The following TNIK variants were observed in gnomAD, a reference collection of about 807,000 sequenced individuals.
TNIK encodes the protein TRAF2 and NCK interacting kinase.
Under a neutral mutation model 191.3 loss-of-function variants are expected in TNIK, and 49 were observed. The ratio of observed to expected loss-of-function variants is 0.26; its 90% CI spans 0.20 to 0.32. The LOEUF (loss-of-function observed/expected upper bound fraction) is 0.32, where lower values mean the gene tolerates loss of function less well. Ranked by LOEUF, TNIK falls within the 10% of genes least tolerant of loss-of-function variation. The pLI, the probability that TNIK is intolerant of heterozygous loss-of-function variation, is 1.00. For synonymous variants in TNIK, 594 were observed against 600.9 expected (o/e 0.99, Z 0.17); for missense variants, 1,155 against 1,702.3 (o/e 0.68, Z 5.66).
chr3:171,248,217 G>T (rs918453441), intron 2 of TNIK, among the ~76,000 whole-genome samples: 9 of 152,180 alleles, frequency 5.9e-5, no homozygotes, highest in Non-Finnish European at 1.2e-4. Flanking sequence ...CATAGAAGAA[G>T]GTCACCTGTG....
chr3:171,172,269 C>T (rs1735385256), intron 9 of TNIK, among the ~76,000 whole-genome samples: 1 of 152,138 alleles, frequency 6.6e-6, no homozygotes, highest in South Asian at 2.1e-4. Flanking sequence ...ACAATGGCGC[C>T]CCCTTTGGTC....
chr3:171,128,540 C>T (rs542572133), intron 16 of TNIK, among the ~76,000 whole-genome samples, 174 bp downstream of exon 16: 4 of 152,178 alleles, frequency 2.6e-5, no homozygotes, highest in Admixed American at 1.3e-4. Context: ...TTCTTTCTCA[C>T]CTGTTCTTCT....
In TNIK at chr3:171,431,429, A is replaced by G. The variant is rs139529408; in HGVS notation, c.57+28578T>C. Among the ~76,000 whole-genome samples the G allele has an allele frequency of 4.0e-3, 606 of 152,230 alleles. 4 individuals are homozygous for G. The highest frequency in any genetic ancestry group is 0.014 in the African/African-American group (567 of 41,562). ...TCTAATAAACAGAAATACTGGAGAG[A>G]AATATGCCAAAATATTATCAGGGAT... On this transcript the variant is annotated intron_variant, in intron 1 of 32. Coordinates refer to ENST00000436636, the MANE Select transcript of TNIK (RefSeq NM_015028.4).
intron 2 of TNIK, among the ~76,000 whole-genome samples, chr3:171,358,049 G>C (rs1345494799): frequency 1.3e-5 from 2 of 152,142 alleles, no homozygotes; most frequent in African/African-American, 4.8e-5. Context: ...CCATGAGGTA[G>C]ATCCTAACTA....
At chr3:171,222,287 C>T (rs1009991031) in intron 3 of TNIK, among the ~76,000 whole-genome samples, 3 of 152,146 alleles carry the variant, frequency 2.0e-5, no homozygotes, top group African/African-American at 7.2e-5. Flanking sequence ...CATTTACTAT[C>T]CATGAGGCTT....
chr3:171,320,710 C>A (rs1265786640), intron 2 of TNIK, among the ~76,000 whole-genome samples: 1 of 152,212 alleles, frequency 6.6e-6, no homozygotes, highest in African/African-American at 2.4e-5. Context: ...TACTAATAAT[C>A]CCATGTGGGC....
At chr3:171,277,681 C>T (rs1405381215) in intron 2 of TNIK, among the ~76,000 whole-genome samples, 1 of 149,902 alleles carries the variant, frequency 6.7e-6, no homozygotes, top group Non-Finnish European at 1.5e-5. Flanking sequence ...CACAGTCACA[C>T]ACATTTGTTC....
At chr3:171,297,032 AG>A (rs781714266) in intron 2 of TNIK, among the ~76,000 whole-genome samples, 15 of 152,140 alleles carry the variant, frequency 9.9e-5, no homozygotes, top group Non-Finnish European at 1.9e-4. Context: ...CCTGATGTGC[AG>A]TTTACCGCAG....
Position 171,068,965 on chromosome 3 carries a change from T to G in TNIK, c.3582A>C (p.Leu1194=). 1 of 1,613,598 alleles carries G rather than the reference T, an allele frequency of 6.2e-7. No homozygotes were observed. The highest frequency in any genetic ancestry group is 2.2e-5 in the East Asian group (1 of 44,854). ...GACCTTCTTCTACCGTGAGATCAAC[T>G]AGCAGAGGCTTGTGCTGGAGATCTG... ...SFADLQHKPL[L]VDLTVEEGQR... is the part of the protein sequence containing the mutation. The change falls in exon 30 of 33, where the codon CTA becomes CTC. Residue 1194 remains leucine, a synonymous_variant. Transcript: ENST00000436636.
chr3:171,223,889 C>G (rs1019317369), intron 3 of TNIK, among the ~76,000 whole-genome samples: 2 of 151,874 alleles, frequency 1.3e-5, no homozygotes, highest in South Asian at 2.1e-4. Context: ...CTGTTTTTGC[C>G]CACCCAGCAT....
At chr3:171,106,606 T>C in intron 21 of TNIK, 1 of 494,760 alleles carries the variant, frequency 2.0e-6, no homozygotes, top group Admixed American at 2.0e-5. Flanking sequence ...CTTAGCAAGC[T>C]ACCTACAACT....
intron 1 of TNIK, among the ~76,000 whole-genome samples, chr3:171,392,778 C>CAAAAAAAAAAAAAA (rs60306915): frequency 2.1e-5 from 2 of 95,248 alleles, no homozygotes; most frequent in Non-Finnish European, 4.1e-5. Context: ...GATTCTGTCT[C>CAAAAAAAAAAAAAA]AAAAAAAAAA....
At chr3:171,102,541 G>C (rs1038401793) in intron 21 of TNIK, among the ~76,000 whole-genome samples, 1 of 152,148 alleles carries the variant, frequency 6.6e-6, no homozygotes, top group Non-Finnish European at 1.5e-5. Flanking sequence ...TTCTGCAAAA[G>C]CATGGCCGCT....
intron 2 of TNIK, among the ~76,000 whole-genome samples, chr3:171,357,895 G>T (rs187205394): frequency 3.9e-4 from 60 of 152,298 alleles, no homozygotes; most frequent in African/African-American, 1.4e-3. Flanking sequence ...CGTAGATGAG[G>T]CTGGAGGGGG....
chr3:171,339,622 A>T lies in TNIK; in HGVS notation c.123+29998T>A, dbSNP rs549461260. Among the ~76,000 whole-genome samples the T allele has an allele frequency of 6.6e-5, 10 of 152,354 alleles. No individual in the cohort carries two copies. In the South Asian group the frequency reaches 2.1e-3, roughly 32 times the overall value. On this transcript the variant is annotated intron_variant, in intron 2 of 32. Transcript: ENST00000436636. ...TGGGTTGAACAGACCGAGGTCCTTC[A>T]GCTGAATCCCAGGCTGGCTGATGGC...
intron 17 of TNIK, among the ~76,000 whole-genome samples, chr3:171,124,409 T>G: frequency 6.6e-6 from 1 of 152,156 alleles, no homozygotes; most frequent in East Asian, 1.9e-4. Context: ...CAATAAGACT[T>G]GAGGAAAATG....
chr3:171,369,230 C>A (rs1716161377), intron 2 of TNIK, among the ~76,000 whole-genome samples: 1 of 152,144 alleles, frequency 6.6e-6, no homozygotes, highest in Admixed American at 6.6e-5. Context: ...ATGTCCTAGG[C>A]CAATAACACA....
chr3:171,131,902 G>A (rs1431392203), intron 15 of TNIK, among the ~76,000 whole-genome samples: 1 of 152,190 alleles, frequency 6.6e-6, no homozygotes, highest in Non-Finnish European at 1.5e-5. Flanking sequence ...ACAAAGGCCT[G>A]TTCCCTGGTT....
chr3:171,329,623 CAAAATAAGG>C (rs1246070314), intron 2 of TNIK, among the ~76,000 whole-genome samples: 1 of 152,068 alleles, frequency 6.6e-6, no homozygotes, highest in Non-Finnish European at 1.5e-5. Flanking sequence ...AAGTAGATGG[CAAAATAAGG>C]AAAATAAGAG....
Sources: allele counts gnomAD v4.1 joint callset (sites outside exome capture counted in the v4.1 genomes callset), GRCh38; gene constraint gnomAD v4.1.1; transcripts MANE v1.5; gene names NCBI Gene and HGNC (gene_info 2026-07-23, HGNC 2026-07-21).